Variants in TENM2 observed in about 807,000 individuals in gnomAD.
TENM2 encodes teneurin transmembrane protein 2.
TENM2 carries 52 observed loss-of-function variants against 245.2 expected under a neutral mutation model. The observed-to-expected ratio is 0.21, with a 90% CI of 0.17 to 0.27. The LOEUF is 0.27. TENM2 is among the 10% of genes least tolerant of loss of function. The probability of loss-of-function intolerance (pLI) is 1.00; values close to 1 mark genes in which losing one functional copy is unlikely to be tolerated. For synonymous variants in TENM2, 1,363 were observed against 1,438.9 expected (o/e 0.95, Z 1.19); for missense variants, 3,046 against 3,666.8 (o/e 0.83, Z 4.37).
intron 2 of TENM2, among the ~76,000 whole-genome samples, chr5:167,449,632 T>C (rs1255533677): frequency 2.0e-5 from 3 of 152,152 alleles, no homozygotes. Flanking sequence ...TTCACATGTA[T>C]ACTGAGTGAA....
intron 2 of TENM2, among the ~76,000 whole-genome samples, chr5:167,417,898 T>G (rs1763254258): frequency 6.6e-6 from 1 of 152,224 alleles, no homozygotes; most frequent in East Asian, 1.9e-4. Flanking sequence ...CTCCCCTTTG[T>G]GTACATTTGG....
intron 19 of TENM2, among the ~76,000 whole-genome samples, chr5:168,208,425 T>C (rs1399626181): frequency 1.3e-5 from 2 of 152,148 alleles, no homozygotes; most frequent in East Asian, 1.9e-4. Context: ...AGAAGGGACA[T>C]GTCCAACCCA....
chr5:167,351,042 A>G (rs1758867677), intron 1 of TENM2, among the ~76,000 whole-genome samples: 1 of 38,662 alleles, frequency 2.6e-5, no homozygotes, highest in Non-Finnish European at 6.7e-5. Flanking sequence ...ACATATGGAT[A>G]TATATATATG....
rs866413870 is a variant in TENM2, at chr5:167,415,289, C to G, written c.502+39816C>G. Among the ~76,000 whole-genome samples the G allele has an allele frequency of 6.6e-5, 10 of 152,148 alleles. No homozygotes were observed. In the South Asian group the frequency reaches 2.1e-3, roughly 32 times the overall value. On this transcript the variant is annotated intron_variant, in intron 2 of 28. Coordinates refer to ENST00000518659, the Ensembl canonical transcript of TENM2. ...CTCTTTAAATGAAAAAAAACTACTA[C>G]AGCTTTAACTTTACATTCAAATAAA...
chr5:167,753,477 G>A (rs1582916803), intron 2 of TENM2, among the ~76,000 whole-genome samples: 4 of 152,206 alleles, frequency 2.6e-5, no homozygotes, highest in Non-Finnish European at 5.9e-5. Flanking sequence ...CTTGTGCAAA[G>A]AGTAATTAGG....
At chr5:167,864,883 A>G (rs1327810560) in intron 2 of TENM2, among the ~76,000 whole-genome samples, 1 of 152,224 alleles carries the variant, frequency 6.6e-6, no homozygotes, top group African/African-American at 2.4e-5. Flanking sequence ...GCAATTGGCA[A>G]TATTATTGTT....
intron 5 of TENM2, among the ~76,000 whole-genome samples, chr5:168,010,487 A>G (rs1421175527): frequency 6.6e-6 from 1 of 152,228 alleles, no homozygotes; most frequent in African/African-American, 2.4e-5. Flanking sequence ...TTTCATGCAG[A>G]GCAGCCTCTC....
chr5:167,601,932 G>C (rs1235140726), intron 2 of TENM2, among the ~76,000 whole-genome samples: 1 of 151,888 alleles, frequency 6.6e-6, no homozygotes, highest in Non-Finnish European at 1.5e-5. Flanking sequence ...AAAGGAACTG[G>C]GGATGGTGAA....
chr5:167,392,907 A>G (rs1360725808), intron 2 of TENM2, among the ~76,000 whole-genome samples: 6 of 152,150 alleles, frequency 3.9e-5, no homozygotes, highest in African/African-American at 7.2e-5. Flanking sequence ...GTGGATCAGG[A>G]GGTCAGGAGT....
At chr5:167,335,407 A>C (rs1200274321) in intron 1 of TENM2, among the ~76,000 whole-genome samples, 4 of 152,158 alleles carry the variant, frequency 2.6e-5, no homozygotes, top group African/African-American at 9.7e-5. Context: ...TTTCAACATG[A>C]GATTTGAGCA....
intron 2 of TENM2, among the ~76,000 whole-genome samples, chr5:167,861,060 A>G (rs1273723381): frequency 3.3e-5 from 5 of 151,352 alleles, no homozygotes; most frequent in Non-Finnish European, 5.9e-5. Context: ...ATTAAAAAAA[A>G]AAAAAAAAGA....
intron 2 of TENM2, among the ~76,000 whole-genome samples, chr5:167,611,587 G>A (rs1451716713): frequency 8.5e-5 from 13 of 152,130 alleles, no homozygotes; most frequent in South Asian, 2.1e-4. Context: ...ATATTTAACA[G>A]GTGGATTAAA....
the TENM2 span, among the ~76,000 whole-genome samples, chr5:167,056,298 C>T: frequency 6.6e-6 from 1 of 151,518 alleles, no homozygotes; most frequent in Non-Finnish European, 1.5e-5. Context: ...GTATATATTT[C>T]TCCTTTATTT....
At chr5:167,797,354 C>A (rs1765393610) in intron 2 of TENM2, among the ~76,000 whole-genome samples, 1 of 152,132 alleles carries the variant, frequency 6.6e-6, no homozygotes, top group African/African-American at 2.4e-5. Context: ...TAAATGGCAT[C>A]CCCTTTAATG....
the TENM2 span, among the ~76,000 whole-genome samples, chr5:167,037,701 A>G: frequency 6.6e-6 from 1 of 152,118 alleles, no homozygotes; most frequent in Non-Finnish European, 1.5e-5. Flanking sequence ...CCTTCCTATA[A>G]CAGAGGCAAG....
chr5:167,370,439 A>T (rs1415663743), intron 1 of TENM2, among the ~76,000 whole-genome samples: 1 of 150,906 alleles, frequency 6.6e-6, no homozygotes, highest in Non-Finnish European at 1.5e-5. Context: ...CGTCCAAGAT[A>T]TTTATCAAGA....
intron 2 of TENM2, among the ~76,000 whole-genome samples, chr5:167,464,041 T>C (rs1582120788): frequency 6.6e-6 from 1 of 152,180 alleles, no homozygotes; most frequent in African/African-American, 2.4e-5. Context: ...TCCAGAGAGA[T>C]GCTCCAATTC....
chr5:167,526,156 G>T (rs1771094015), intron 2 of TENM2, among the ~76,000 whole-genome samples: 1 of 151,788 alleles, frequency 6.6e-6, no homozygotes, highest in African/African-American at 2.4e-5. Flanking sequence ...CCCAATATTT[G>T]CATAGCAATG....
chr5:168,167,625 G>C (rs1289892175), intron 13 of TENM2, among the ~76,000 whole-genome samples: 1 of 152,178 alleles, frequency 6.6e-6, no homozygotes, highest in African/African-American at 2.4e-5. Context: ...TAAACTAGGA[G>C]AGATGTCTTT....
Sources: allele counts gnomAD v4.1 joint callset (sites outside exome capture counted in the v4.1 genomes callset), GRCh38; gene constraint gnomAD v4.1.1; transcripts MANE v1.5; gene names NCBI Gene and HGNC (gene_info 2026-07-23, HGNC 2026-07-21).